Variants in KAZN observed in about 807,000 individuals in gnomAD.
The protein encoded by KAZN is kazrin.
A neutral mutation model predicts 87.4 loss-of-function variants in KAZN; 40 were observed. That is an observed-to-expected ratio of 0.46 (90% confidence interval 0.36 to 0.60). The LOEUF (loss-of-function observed/expected upper bound fraction) is 0.60, where lower values mean the gene tolerates loss of function less well. Ranked by LOEUF, KAZN falls within the 20% of genes least tolerant of loss-of-function variation. KAZN has a pLI of 0.00. For synonymous variants in KAZN, 466 were observed against 458.3 expected (o/e 1.02, Z -0.22); for missense variants, 898 against 1,073.9 (o/e 0.84, Z 2.29).
intron 1 of KAZN, among the ~76,000 whole-genome samples, chr1:14,877,213 C>G (rs561931731): frequency 3.3e-5 from 5 of 152,280 alleles, no homozygotes; most frequent in African/African-American, 1.2e-4. Flanking sequence ...CCCGTTACTC[C>G]CTTTGTGTAT....
intron 2 of KAZN, among the ~76,000 whole-genome samples, chr1:14,451,340 C>T (rs1333653514): frequency 2.0e-5 from 3 of 152,076 alleles, no homozygotes; most frequent in African/African-American, 7.2e-5. Context: ...ATATTGGTAC[C>T]TCAAAAAGGC....
chr1:14,030,103 A>G (rs1432314902), intron 1 of KAZN, among the ~76,000 whole-genome samples: 2 of 151,466 alleles, frequency 1.3e-5, no homozygotes, highest in East Asian at 1.9e-4. Flanking sequence ...CTTCCTACCC[A>G]TGAGCATGGA....
At position 14,442,493 on chromosome 1, in the gene KAZN, T is replaced by C. The variant is rs545489060; in HGVS notation, c.250-156490T>C. 3.9e-5 allele frequency among the ~76,000 whole-genome samples: 6 copies of C among 152,312 alleles called. No individual in the cohort carries two copies. The South Asian group carries it at 1.2e-3, about 32-fold the overall frequency. ...ACCTGCTGAAACCCCTAACCGTCTA[T>C]AGCTGTTGCAGCTACACCTTCTCAA... On this transcript the variant is annotated intron_variant, in intron 2 of 16. Transcript: ENST00000636203.
intron 1 of KAZN, among the ~76,000 whole-genome samples, chr1:13,952,343 A>G (rs199957161): frequency 0.017 from 470 of 27,234 alleles, 8 homozygotes; most frequent in East Asian, 0.073. Context: ...AGATAATAAT[A>G]ATAATAATAA....
intron 1 of KAZN, among the ~76,000 whole-genome samples, chr1:13,998,500 C>T (rs1639628099): frequency 6.6e-6 from 1 of 151,746 alleles, no homozygotes; most frequent in Non-Finnish European, 1.5e-5. Context: ...CAAAGACACA[C>T]ATAGGCTCAG....
chr1:13,912,386 C>T (rs1019804544), intron 1 of KAZN, among the ~76,000 whole-genome samples: 3 of 152,088 alleles, frequency 2.0e-5, no homozygotes, highest in East Asian at 1.9e-4. Context: ...CACATGAAAC[C>T]GTGTGCTGCT....
intron 1 of KAZN, among the ~76,000 whole-genome samples, chr1:14,876,812 T>C (rs1480323842): frequency 6.6e-6 from 1 of 152,204 alleles, no homozygotes; most frequent in Non-Finnish European, 1.5e-5. Context: ...TTTTTGTAGA[T>C]AGGCATGTCT....
intron 2 of KAZN, among the ~76,000 whole-genome samples, chr1:14,358,953 A>G (rs1659271855): frequency 6.6e-6 from 1 of 152,224 alleles, no homozygotes; most frequent in Non-Finnish European, 1.5e-5. Context: ...TGCTTGGTCC[A>G]GAGCTGAGTT....
chr1:13,901,951 A>T (rs984699049), intron 1 of KAZN, among the ~76,000 whole-genome samples: 2 of 152,176 alleles, frequency 1.3e-5, no homozygotes, highest in Non-Finnish European at 2.9e-5. Flanking sequence ...CTGGCAGGGG[A>T]TGTGGATAAG....
chr1:14,102,211 T>C (rs1644271900), intron 1 of KAZN, among the ~76,000 whole-genome samples: 1 of 152,074 alleles, frequency 6.6e-6, no homozygotes, highest in Admixed American at 6.5e-5. Context: ...CACACTGGCA[T>C]GGGTTTACGT....
At chr1:14,458,278 A>G (rs1667677320) in intron 2 of KAZN, among the ~76,000 whole-genome samples, 2 of 152,250 alleles carry the variant, frequency 1.3e-5, no homozygotes, top group South Asian at 4.1e-4. Flanking sequence ...CAACCTTGCT[A>G]AACTCTTTAT....
At chr1:14,084,631 C>T (rs952924625) in intron 1 of KAZN, among the ~76,000 whole-genome samples, 8 of 150,398 alleles carry the variant, frequency 5.3e-5, no homozygotes, top group Non-Finnish European at 7.4e-5. Flanking sequence ...CCATTTACTT[C>T]AATCTGTAAC....
chr1:14,079,638 G>T (rs183610914), intron 1 of KAZN, among the ~76,000 whole-genome samples: 1 of 152,290 alleles, frequency 6.6e-6, no homozygotes, highest in East Asian at 1.9e-4. Context: ...TTCCAAAGTC[G>T]ATATACTCAC....
intron 11 of KAZN, among the ~76,000 whole-genome samples, chr1:15,102,794 G>A (rs984926902): frequency 1.3e-5 from 2 of 152,314 alleles, no homozygotes. Context: ...ACTCCAAGAC[G>A]TGCCACTGTG....
At chr1:13,948,396 C>T (rs572513564) in intron 1 of KAZN, among the ~76,000 whole-genome samples, 2 of 152,182 alleles carry the variant, frequency 1.3e-5, no homozygotes, top group Non-Finnish European at 2.9e-5. Flanking sequence ...CTTCCCCCTT[C>T]GCGGGGCACT....
At chr1:14,704,738 C>A (rs564314503) in intron 1 of KAZN, among the ~76,000 whole-genome samples, 2 of 152,180 alleles carry the variant, frequency 1.3e-5, no homozygotes, top group Non-Finnish European at 2.9e-5. Context: ...CAGGAGGGAA[C>A]CTGTACAAAT....
intron 8 of KAZN, among the ~76,000 whole-genome samples, chr1:15,072,499 TGAG>T (rs1639548655): frequency 6.6e-6 from 1 of 152,212 alleles, no homozygotes. Context: ...TTCTGAGGTC[TGAG>T]TAGAAACACT....
rs1345313327 is a variant in KAZN, at chr1:14,580,587, A to G, written c.250-18396A>G. ...GACGTTAGTGGATATGGAGGGGCTCAGGATAAGAGGCCTATAGCTGTGAGT... is the reference window on the plus strand; with the variant it reads ...GACGTTAGTGGATATGGAGGGGCTCGGGATAAGAGGCCTATAGCTGTGAGT... On this transcript the variant is annotated intron_variant, in intron 2 of 16. Coordinates refer to the KAZN transcript ENST00000636203. Among the ~76,000 whole-genome samples the G allele has an allele frequency of 3.9e-5, 6 of 152,220 alleles. 1 individual carries two copies. In the East Asian group the frequency reaches 7.7e-4, roughly 20 times the overall value.
intron 2 of KAZN, among the ~76,000 whole-genome samples, chr1:14,507,810 C>CA (rs553273496): frequency 9.4e-4 from 143 of 151,818 alleles, no homozygotes; most frequent in African/African-American, 3.2e-3. Context: ...TAAAAAAATA[C>CA]AAAAAAATTA....
Sources: allele counts gnomAD v4.1 joint callset (sites outside exome capture counted in the v4.1 genomes callset), GRCh38; gene constraint gnomAD v4.1.1; transcripts MANE v1.5; gene names NCBI Gene and HGNC (gene_info 2026-07-23, HGNC 2026-07-21).